OSBPL11: variants seen among roughly 807,000 people sequenced by gnomAD.
OSBPL11 encodes oxysterol binding protein like 11, also known as oxysterol-binding protein-related protein 11.
OSBPL11 carries 33 observed loss-of-function variants against 84.4 expected under a neutral mutation model. The ratio of observed to expected loss-of-function variants is 0.39; its 90% CI spans 0.30 to 0.52. OSBPL11 has a LOEUF of 0.52. Ranked by LOEUF, OSBPL11 falls within the 20% of genes least tolerant of loss-of-function variation. The pLI, the probability that OSBPL11 is intolerant of heterozygous loss-of-function variation, is 0.72. For synonymous variants in OSBPL11, 276 were observed against 310.2 expected, an observed-to-expected ratio of 0.89 and a Z score of 1.16; for missense variants, 736 against 901.1, an observed-to-expected ratio of 0.82 and a Z score of 2.35.
intron 1 of OSBPL11, among the ~76,000 whole-genome samples, chr3:125,593,691 C>T (rs4679175): frequency 0.066 from 10,055 of 152,044 alleles, 425 homozygotes; most frequent in African/African-American, 0.12. Context: ...ATATTTCATA[C>T]ATATGAATAT....
rs1935531278 is a variant in OSBPL11 at position 125,529,875 on chromosome 3, T to C, written c.*640A>G. The C allele has an allele frequency of 6.5e-6, 1 of 152,734 alleles. No homozygotes were observed. Among genetic ancestry groups the C allele is most frequent in the African/African-American group, 2.4e-5 (1 of 41,464 alleles). The allele number at this position is 152,734 out of a possible 1,614,324, so 9.5% of individuals were successfully genotyped here. ...TCTCCATGGTTATAATTCTGATCAA[T>C]CTATAAATGTACTTTTTAAAAGAGA... is the stretch of plus-strand genomic sequence containing the variant. On this transcript the variant is annotated 3_prime_UTR_variant, in exon 13 of 13. Coordinates refer to ENST00000296220, the MANE Select transcript of OSBPL11 (RefSeq NM_022776.5).
At position 125,530,415 on chromosome 3, in the gene OSBPL11, G is replaced by T; in HGVS notation, c.*100C>A. On this transcript the variant is annotated 3_prime_UTR_variant, in exon 13 of 13. Transcript: ENST00000296220. ...TCAGGTTTAGCTAGTTTCAGTCTGC[G>T]CAATCAGGAAGCAGGTCACTCAGTG... is the stretch of plus-strand genomic sequence containing the variant. The T allele has an allele frequency of 9.3e-7, 1 of 1,075,416 alleles. No individual in the cohort carries two copies. The highest frequency in any genetic ancestry group is 1.4e-6 in the Non-Finnish European group (1 of 700,022). The allele number at this position is 1,075,416 out of a possible 1,614,324, so 66.6% of individuals were successfully genotyped here.
chr3:125,540,421 T>C (rs967009090), intron 10 of OSBPL11, among the ~76,000 whole-genome samples: 16 of 150,986 alleles, frequency 1.1e-4, no homozygotes, highest in Middle Eastern at 3.4e-3. Flanking sequence ...GTCAACTTGA[T>C]TACAGCAGGA....
At chr3:125,534,155 TG>T (rs1287564426) in intron 11 of OSBPL11, among the ~76,000 whole-genome samples, 3 of 151,778 alleles carry the variant, frequency 2.0e-5, no homozygotes, top group Non-Finnish European at 4.4e-5. Flanking sequence ...CCGACGTGAG[TG>T]GATCACTTGA....
rs541289121 is a variant in OSBPL11 at position 125,531,146 on chromosome 3, T to C, written c.2179-566A>G. Reference sequence around the variant, plus strand: ...ACAGGCACGTGCCATACCCGGCTAATTTTTGTATTTTTAGTAGAGATGGGG... The same window carrying C: ...ACAGGCACGTGCCATACCCGGCTAACTTTTGTATTTTTAGTAGAGATGGGG... On this transcript the variant is annotated intron_variant, in intron 12 of 12. Transcript: ENST00000296220. Among the ~76,000 whole-genome samples the C allele has an allele frequency of 2.7e-5, 4 of 149,930 alleles. No individual in the cohort carries two copies. In the South Asian group the frequency reaches 8.4e-4, roughly 32 times the overall value.
intron 2 of OSBPL11, among the ~76,000 whole-genome samples, chr3:125,581,055 C>A (rs1297576296): frequency 6.6e-6 from 1 of 151,136 alleles, no homozygotes; most frequent in African/African-American, 2.4e-5. Flanking sequence ...TAACTACTTT[C>A]AAAAATACAT....
chr3:125,535,428 T>C (rs998548955), intron 11 of OSBPL11, among the ~76,000 whole-genome samples: 1 of 148,598 alleles, frequency 6.7e-6, no homozygotes, highest in African/African-American at 2.5e-5. Flanking sequence ...GCAAATAAAA[T>C]TCAGAAGCAT....
rs764007697 is a variant in OSBPL11 at position 125,576,197 on chromosome 3, C to T, written c.658G>A (p.Val220Ile). 6.2e-7 allele frequency: 1 copy of T among 1,604,904 alleles called. No homozygotes were observed. Among genetic ancestry groups the T allele is most frequent in the South Asian group, 1.1e-5 (1 of 89,028 alleles). ...TNLPPDHLVE[V>I]REMMSHAEGQ... ...CTTTAATTCATACTTACTTCTCTGA[C>T]TTCCACAAGATGGTCTGGAGGTAAA... Residue 220 changes from valine to isoleucine, a missense_variant, in exon 5 of 13, where the codon GTC becomes ATC. Around this residue, in one of 3 missense-constraint regions of OSBPL11, gnomAD observed 579 missense variants for 717.6 expected, o/e 0.81. Coordinates refer to ENST00000296220, the MANE Select transcript of OSBPL11 (RefSeq NM_022776.5).
Position 125,576,343 on chromosome 3 carries a change from C to T in OSBPL11, c.512G>A (p.Arg171Gln), listed in dbSNP as rs377541539. Residue 171 changes from arginine (R) to glutamine (Q), a missense_variant, in exon 5 of 13, where the codon CGG (arginine) becomes CAG (glutamine). Arg to Gln is a conservative substitution (Grantham distance 43). Transcript: ENST00000296220. ...ACTACTAGATGCAAGTGAGAAGCTC[C>T]GTGACTTCAGAGGAGGATTATTCTG... ...IGKNNPPLKSRSFSLASSSNS... is the reference protein window; with the variant it reads ...IGKNNPPLKSQSFSLASSSNS... The T allele has an allele frequency of 2.8e-5, 44 of 1,590,236 alleles. No individual in the cohort carries two copies. Among genetic ancestry groups the T allele is most frequent in the Non-Finnish European group, 3.4e-5 (40 of 1,173,740 alleles).
intron 9 of OSBPL11, among the ~76,000 whole-genome samples, chr3:125,548,157 G>A (rs904358523): frequency 6.6e-6 from 1 of 152,168 alleles, no homozygotes; most frequent in Non-Finnish European, 1.5e-5. Flanking sequence ...GGGATTACAG[G>A]CGTGAGCCAC....
chr3:125,576,485 GA>G, intron 4 of OSBPL11, 120 bp from the exon 5 acceptor site: 1 of 693,236 alleles, frequency 1.4e-6, no homozygotes. Flanking sequence ...ATTAACTTCA[GA>G]ATTGACTATG....
chr3:125,536,275 T>C (rs1446241102), intron 11 of OSBPL11, among the ~76,000 whole-genome samples: 1 of 152,220 alleles, frequency 6.6e-6, no homozygotes, highest in East Asian at 1.9e-4. Context: ...CCAGTTGCAA[T>C]GTGGAAAATT....
chr3:125,530,199 C>T lies in OSBPL11; in HGVS notation c.*316G>A. ...TCTCATTGTTGTGTGTATCTGCTGC[C>T]CCTGTGCAAAAATAGGGGATTCAAA... On this transcript the variant is annotated 3_prime_UTR_variant, in exon 13 of 13. Transcript: ENST00000296220. 3.3e-6 allele frequency: 1 copy of T among 298,982 alleles called. No homozygotes were observed. The highest frequency in any genetic ancestry group is 6.4e-6 in the Non-Finnish European group (1 of 156,934). The allele number at this position is 298,982 out of a possible 1,614,324, so 18.5% of individuals were successfully genotyped here. A position where few individuals can be genotyped will look rare whatever the true frequency, so the allele number is the denominator to read the frequency against.
chr3:125,563,013 A>C (rs1936100191), intron 7 of OSBPL11, among the ~76,000 whole-genome samples: 1 of 152,156 alleles, frequency 6.6e-6, no homozygotes, highest in South Asian at 2.1e-4. Flanking sequence ...CTAGATATTC[A>C]ACAATAGGGA....
chr3:125,567,622 C>T, intron 5 of OSBPL11, 27 bp from the exon 6 acceptor site: 1 of 1,572,954 alleles, frequency 6.4e-7, no homozygotes, highest in Non-Finnish European at 8.7e-7. Context: ...TCTGTGGGTC[C>T]TACTCATGAT....
At chr3:125,548,540 A>C (rs1559837862) in intron 9 of OSBPL11, among the ~76,000 whole-genome samples, 1 of 152,064 alleles carries the variant, frequency 6.6e-6, no homozygotes, top group Non-Finnish European at 1.5e-5. Context: ...TGCTAATTAA[A>C]GATGGTTTAA....
At chr3:125,534,735 A>C (rs371747532) in intron 11 of OSBPL11, among the ~76,000 whole-genome samples, 2 of 152,120 alleles carry the variant, frequency 1.3e-5, no homozygotes, top group South Asian at 2.1e-4. Flanking sequence ...ACCAGGGATC[A>C]AACTATGGCC....
intron 9 of OSBPL11, among the ~76,000 whole-genome samples, chr3:125,551,822 G>GA (rs1162973421): frequency 6.6e-6 from 1 of 151,568 alleles, no homozygotes; most frequent in African/African-American, 2.4e-5. Flanking sequence ...TTTAAAATCA[G>GA]AAAAAAATAA....
intron 11 of OSBPL11, among the ~76,000 whole-genome samples, chr3:125,535,105 C>T (rs1250585666): frequency 1.3e-5 from 2 of 151,278 alleles, no homozygotes; most frequent in Non-Finnish European, 2.9e-5. Flanking sequence ...AATTAATAAA[C>T]TTTTAGTCAC....
Sources: allele counts gnomAD v4.1 joint callset (sites outside exome capture counted in the v4.1 genomes callset), GRCh38; gene constraint gnomAD v4.1.1; regional missense constraint gnomAD v4.1.1; transcripts MANE v1.5; gene names NCBI Gene and HGNC (gene_info 2026-07-23, HGNC 2026-07-21).